SLC7A7: variants seen among roughly 807,000 people sequenced by gnomAD.
The protein encoded by SLC7A7 is Y+L amino acid transporter 1.
Under a neutral mutation model 47.9 loss-of-function variants are expected in SLC7A7, and 39 were observed. The ratio of observed to expected loss-of-function variants is 0.81; its 90% CI spans 0.63 to 1.06. SLC7A7 has a LOEUF of 1.06. Ranked by LOEUF, SLC7A7 falls within the 50% of genes least tolerant of loss-of-function variation. SLC7A7 has a pLI of 0.00. For missense variants in SLC7A7, 588 were observed against 632.0 expected (o/e 0.93, Z 0.75); for synonymous variants, 234 against 242.8 (o/e 0.96, Z 0.34).
chr14:22,792,351 C>T (rs1023906710), intron 2 of SLC7A7, among the ~76,000 whole-genome samples: 2 of 152,150 alleles, frequency 1.3e-5, no homozygotes, highest in East Asian at 3.9e-4. Flanking sequence ...TCACTTGAGG[C>T]CAGGAGTTGG....
rs2039345685 is a variant in SLC7A7 at position 22,813,141 on chromosome 14, C to T, written c.258G>A (p.Gly86=). 1.2e-6 allele frequency: 2 copies of T among 1,614,138 alleles called. No individual in the cohort carries two copies. The highest frequency in any genetic ancestry group is 1.7e-6 in the Non-Finnish European group (2 of 1,180,036). The part of the protein sequence containing the change: ...WAVGGLFSVF[G]ALCYAELGTT... ...TGCCCAGTTCCGCATAACAAAGGGC[C>T]CCAAAGACGGAGAAGAGGCCCCCGA... Residue 86 remains glycine (G), a synonymous_variant, in exon 2 of 10, where the codon GGG becomes GGA. Coordinates refer to ENST00000674313, the MANE Select transcript of SLC7A7 (RefSeq NM_003982.4).
At chr14:22,812,274 C>T (rs1353268664) in intron 2 of SLC7A7, among the ~76,000 whole-genome samples, 1 of 151,986 alleles carries the variant, frequency 6.6e-6, no homozygotes, top group Non-Finnish European at 1.5e-5. Flanking sequence ...TCAAGCGATT[C>T]TCCTGCCTCA....
intron 1 of SLC7A7, 55 bp from the exon 2 acceptor site, chr14:22,813,495 C>A: frequency 7.0e-7 from 1 of 1,433,396 alleles, no homozygotes; most frequent in East Asian, 2.4e-5. Context: ...TACATAGAAC[C>A]TCTACCCGCC....
intron 2 of SLC7A7, among the ~76,000 whole-genome samples, chr14:22,806,097 T>C (rs11157833): frequency 0.97 from 124,427 of 127,758 alleles, 60,663 homozygotes; most frequent in Non-Finnish European, 1. Flanking sequence ...CTCCGCCTAC[T>C]GACATAGCGA....
chr14:22,809,083 T>C (rs2039258616), intron 2 of SLC7A7, among the ~76,000 whole-genome samples: 1 of 152,272 alleles, frequency 6.6e-6, no homozygotes, highest in Non-Finnish European at 1.5e-5. Flanking sequence ...CAAATGTGTG[T>C]CACACATGTG....
chr14:22,779,872 C>A, intron 3 of SLC7A7, 54 bp downstream of exon 3: 1 of 1,513,570 alleles, frequency 6.6e-7, no homozygotes, highest in Non-Finnish European at 9.2e-7. Context: ...TAGAGGAGTG[C>A]GGCTCACAGA....
chr14:22,789,751 A>G (rs910511261), intron 2 of SLC7A7, among the ~76,000 whole-genome samples: 4 of 152,132 alleles, frequency 2.6e-5, no homozygotes, highest in African/African-American at 7.2e-5. Context: ...GTTCTTAAAG[A>G]TGAAAGAGGG....
In SLC7A7 at chr14:22,812,949, G is replaced by A. The variant is rs748047679; in HGVS notation, c.450C>T (p.Ser150=). ...ANYMVQPLFP[S]CFAPYAASRL... Reference sequence around the variant, plus strand: ...GGCTGGCAGCATAAGGGGCGAAGCAGCTCGGGAAGAGAGGCTGTACCATGT... The same window carrying A: ...GGCTGGCAGCATAAGGGGCGAAGCAACTCGGGAAGAGAGGCTGTACCATGT... Residue 150 remains serine, a synonymous_variant, in exon 2 of 10, where the codon AGC becomes AGT. Transcript: ENST00000674313. 6.2e-7 allele frequency: 1 copy of A among 1,613,906 alleles called. No individual in the cohort carries two copies. Among genetic ancestry groups the A allele is most frequent in the South Asian group, 1.1e-5 (1 of 91,070 alleles).
chr14:22,812,941 G>A lies in SLC7A7; in HGVS notation c.458C>T (p.Ala153Val). 1 of 1,613,860 alleles carries A rather than the reference G, an allele frequency of 6.2e-7. No homozygotes were observed. Among genetic ancestry groups the A allele is most frequent in the Non-Finnish European group, 8.5e-7 (1 of 1,180,000 alleles). Reference protein sequence around the residue: ...MVQPLFPSCFAPYAASRLLAA... With the variant: ...MVQPLFPSCFVPYAASRLLAA... ...CAGCAGGCGGCTGGCAGCATAAGGG[G>A]CGAAGCAGCTCGGGAAGAGAGGCTG... Residue 153 changes from alanine (A) to valine (V), a missense_variant, in exon 2 of 10, where the codon GCC (alanine) becomes GTC (valine). Coordinates refer to ENST00000674313, the MANE Select transcript of SLC7A7 (RefSeq NM_003982.4).
chr14:22,774,968 C>G (rs2038568780), intron 7 of SLC7A7, among the ~76,000 whole-genome samples: 1 of 152,134 alleles, frequency 6.6e-6, no homozygotes, highest in African/African-American at 2.4e-5. Context: ...GTATTAAAAC[C>G]CATACTGCTT....
At chr14:22,815,557 T>A (rs546751484), upstream of SLC7A7, 18 of 454,160 alleles carry the variant, frequency 4.0e-5, 1 homozygote, top group South Asian at 2.6e-4. Flanking sequence ...CAAGGTTCAC[T>A]GGCCCTTCAC....
chr14:22,814,318 T>C (rs986082231), intron 1 of SLC7A7, among the ~76,000 whole-genome samples: 5 of 151,512 alleles, frequency 3.3e-5, no homozygotes, highest in African/African-American at 1.2e-4. Context: ...ACCCAGTCTC[T>C]ACTAAAAATA....
In SLC7A7 at chr14:22,812,153, T is replaced by C. The variant is rs150194679; in HGVS notation, c.499+747A>G. Among the ~76,000 whole-genome samples, 358 of 145,894 alleles carry C rather than the reference T, an allele frequency of 2.5e-3. 2 individuals carry two copies. The highest frequency in any genetic ancestry group is 8.3e-3 in the African/African-American group (343 of 41,330). On this transcript the variant is annotated intron_variant, in intron 2 of 9. Coordinates refer to ENST00000674313, the MANE Select transcript of SLC7A7 (RefSeq NM_003982.4). ...CCTCATTTTTGTAAAAGAACAAAACTACACCTCTTTTTTTTTTATTTTTAT... is the reference window on the plus strand; with the variant it reads ...CCTCATTTTTGTAAAAGAACAAAACCACACCTCTTTTTTTTTTATTTTTAT...
In SLC7A7 at chr14:22,779,830, A is replaced by G. The variant is rs544257336; in HGVS notation, c.625+96T>C. Reference sequence around the variant, plus strand: ...AATAGTGCCCACCGAATAAGGTTATAGTAAGAAATGAGATAATGCACAAAG... The same window carrying G: ...AATAGTGCCCACCGAATAAGGTTATGGTAAGAAATGAGATAATGCACAAAG... On this transcript the variant is annotated intron_variant, in intron 3 of 9. Transcript: ENST00000674313. 374 of 1,130,490 alleles carry G rather than the reference A, an allele frequency of 3.3e-4. 5 individuals are homozygous for G. The South Asian group carries it at 4.5e-3, about 14-fold the overall frequency. 70.0% of individuals were successfully genotyped at this position (1,130,490 alleles called of 1,614,324 possible).
chr14:22,779,247 T>C (rs1254328204), intron 3 of SLC7A7, among the ~76,000 whole-genome samples: 1 of 152,212 alleles, frequency 6.6e-6, no homozygotes, highest in Non-Finnish European at 1.5e-5. Flanking sequence ...AGTTCTGTTC[T>C]GCTCTGCAGG....
chr14:22,813,801 T>C (rs2039363400), intron 1 of SLC7A7, among the ~76,000 whole-genome samples: 1 of 149,178 alleles, frequency 6.7e-6, no homozygotes, highest in Non-Finnish European at 1.5e-5. Flanking sequence ...TTTTTTTTTT[T>C]TTTTTTGAGA....
chr14:22,790,582 A>G (rs77841550), intron 2 of SLC7A7, among the ~76,000 whole-genome samples: 3,581 of 152,218 alleles, frequency 0.024, 56 homozygotes, highest in Non-Finnish European at 0.036. Flanking sequence ...TCTCTCTTTA[A>G]TGTACTACAT....
At chr14:22,789,267 C>G (rs1186858620) in intron 2 of SLC7A7, among the ~76,000 whole-genome samples, 1 of 152,110 alleles carries the variant, frequency 6.6e-6, no homozygotes, top group Admixed American at 6.6e-5. Context: ...AAGATGTCCA[C>G]CCCCTAATCC....
chr14:22,776,122 G>A (rs2038600443), intron 5 of SLC7A7, 73 bp downstream of exon 5: 3 of 1,602,426 alleles, frequency 1.9e-6, no homozygotes, highest in South Asian at 2.2e-5. Flanking sequence ...CCCTTTCCAG[G>A]ACTTTCAAGA....
Sources: allele counts gnomAD v4.1 joint callset (sites outside exome capture counted in the v4.1 genomes callset), GRCh38; gene constraint gnomAD v4.1.1; transcripts MANE v1.5; gene names NCBI Gene and HGNC (gene_info 2026-07-23, HGNC 2026-07-21).